The following ASIC2 variants were observed in gnomAD, a reference collection of about 807,000 sequenced individuals.
The protein encoded by ASIC2 is acid-sensing ion channel 2.
In ASIC2, 25 loss-of-function variants were observed where a neutral mutation model predicts 57.3. The ratio of observed to expected loss-of-function variants is 0.44; its 90% CI spans 0.32 to 0.61. ASIC2 has a LOEUF of 0.61. Ranked by LOEUF, ASIC2 falls within the 20% of genes least tolerant of loss-of-function variation. ASIC2 has a pLI of 0.06. For missense variants in ASIC2, 641 were observed against 738.1 expected (o/e 0.87, Z 1.52); for synonymous variants, 319 against 307.5 (o/e 1.04, Z -0.39).
intron 1 of ASIC2, among the ~76,000 whole-genome samples, chr17:33,272,716 T>C (rs932331964): frequency 1.3e-5 from 2 of 151,768 alleles, no homozygotes; most frequent in Non-Finnish European, 2.9e-5. Flanking sequence ...ATCATCATCA[T>C]TGTCAGTAGT....
At chr17:33,165,154 G>T (rs1905270552) in intron 1 of ASIC2, among the ~76,000 whole-genome samples, 1 of 152,188 alleles carries the variant, frequency 6.6e-6, no homozygotes, top group Non-Finnish European at 1.5e-5. Flanking sequence ...GTTTCTGGAT[G>T]GGCACCCCCT....
chr17:34,118,329 G>A (rs769188736), intron 1 of ASIC2: 1 of 152,174 alleles, frequency 6.6e-6, no homozygotes, highest in Non-Finnish European at 1.5e-5. Context: ...TGAAAGAGAA[G>A]TGCTATTGTT....
At chr17:33,427,173 G>A (rs576692776) in intron 1 of ASIC2, among the ~76,000 whole-genome samples, 2 of 152,296 alleles carry the variant, frequency 1.3e-5, no homozygotes, top group African/African-American at 2.4e-5. Context: ...ATTGTTGGGA[G>A]ACCATCGCTC....
intron 1 of ASIC2, among the ~76,000 whole-genome samples, chr17:33,898,678 C>A (rs1261397267): frequency 1.3e-5 from 2 of 152,146 alleles, no homozygotes; most frequent in African/African-American, 4.8e-5. Flanking sequence ...GCTTCAAAAT[C>A]CAATCCAAGA....
intron 1 of ASIC2, among the ~76,000 whole-genome samples, chr17:33,640,382 G>A (rs1268552427): frequency 1.3e-5 from 2 of 152,154 alleles, no homozygotes; most frequent in Non-Finnish European, 2.9e-5. Context: ...GACAAGTCAC[G>A]AATCGAAACA....
At position 33,501,779 on chromosome 17, in the gene ASIC2, G is replaced by A. The variant is rs144202938; in HGVS notation, c.556-389712C>T. Among the ~76,000 whole-genome samples, 13 of 152,262 alleles carry A rather than the reference G, an allele frequency of 8.5e-5. No individual in the cohort carries two copies. In the East Asian group the frequency reaches 1.9e-3, roughly 23 times the overall value. On this transcript the variant is annotated intron_variant, in intron 1 of 9. Coordinates refer to the ASIC2 transcript ENST00000359872. ...TAACTTGCCCTTCCTTTTCATAAAA[G>A]GCCATCCTAAAGAATTAGTTCCTCA... is the stretch of plus-strand genomic sequence containing the variant.
At chr17:33,500,107 A>C (rs1469856705) in intron 1 of ASIC2, among the ~76,000 whole-genome samples, 1 of 152,096 alleles carries the variant, frequency 6.6e-6, no homozygotes, top group Non-Finnish European at 1.5e-5. Context: ...ATACAGAAAA[A>C]AAATAAAATA....
chr17:33,636,701 G>A (rs1906377662), intron 1 of ASIC2, among the ~76,000 whole-genome samples: 1 of 152,100 alleles, frequency 6.6e-6, no homozygotes, highest in African/African-American at 2.4e-5. Flanking sequence ...AAATAGTTCT[G>A]AAAGTCTTTA....
intron 1 of ASIC2, among the ~76,000 whole-genome samples, chr17:33,407,051 T>C (rs1910497434): frequency 6.6e-6 from 1 of 152,208 alleles, no homozygotes; most frequent in Non-Finnish European, 1.5e-5. Context: ...AGCCATGTAA[T>C]TTAGTTATTT....
chr17:34,020,882 G>T (rs899503416), intron 1 of ASIC2, among the ~76,000 whole-genome samples: 2 of 152,154 alleles, frequency 1.3e-5, no homozygotes, highest in Non-Finnish European at 2.9e-5. Context: ...AATGTGTATT[G>T]TTTTAAGTTG....
chr17:34,031,870 C>T (rs1478594525), intron 1 of ASIC2, among the ~76,000 whole-genome samples: 1 of 152,156 alleles, frequency 6.6e-6, no homozygotes, highest in Admixed American at 6.5e-5. Flanking sequence ...TGTGGAAAGA[C>T]CAAATCTACG....
At chr17:33,033,811 C>T (rs1285383139) in intron 3 of ASIC2, among the ~76,000 whole-genome samples, 1 of 152,190 alleles carries the variant, frequency 6.6e-6, no homozygotes, top group East Asian at 1.9e-4. Flanking sequence ...CAGGCCCACC[C>T]ATGGGTGCCC....
chr17:33,730,795 ATG>A (rs1055454069), intron 1 of ASIC2, among the ~76,000 whole-genome samples: 3 of 152,148 alleles, frequency 2.0e-5, no homozygotes, highest in African/African-American at 7.2e-5. Context: ...GTAGGTGTCT[ATG>A]TGGTTACTGT....
At chr17:33,617,624 C>A (rs566782919) in intron 1 of ASIC2, among the ~76,000 whole-genome samples, 1 of 152,318 alleles carries the variant, frequency 6.6e-6, no homozygotes, top group East Asian at 1.9e-4. Flanking sequence ...GTGTAACAGA[C>A]CTGCACATGT....
At chr17:33,393,989 A>T (rs1302984056) in intron 1 of ASIC2, among the ~76,000 whole-genome samples, 10 of 152,202 alleles carry the variant, frequency 6.6e-5, no homozygotes, top group African/African-American at 2.4e-4. Context: ...TTGTTTCCAA[A>T]GTGGGGATTA....
rs116495587 is a variant in ASIC2 at position 33,696,233 on chromosome 17, C to T, written c.555+459745G>A. ...ATCGTTTTTAAACACAACTAAATAG[C>T]GCTGTTGTCAGATTCTGGCTCCTGG... On this transcript the variant is annotated intron_variant, in intron 1 of 9. Coordinates refer to the ASIC2 transcript ENST00000359872. 2.4e-3 allele frequency among the ~76,000 whole-genome samples: 365 copies of T among 152,246 alleles called. 3 individuals carry two copies. The highest frequency in any genetic ancestry group is 8.4e-3 in the African/African-American group (349 of 41,538).
chr17:33,968,106 GCTTA>G lies in ASIC2; in HGVS notation c.555+187868_555+187871del, dbSNP rs537814625. On this transcript the variant is annotated intron_variant, in intron 1 of 9. Coordinates refer to the ASIC2 transcript ENST00000359872. ...CAAGGGTGGCAGACCCACACTCTGG[GCTTA>G]CTGTGTGCCATCTACTGTGCTCCCT... 1.2e-3 allele frequency among the ~76,000 whole-genome samples: 189 copies of G among 152,268 alleles called. 2 individuals carry two copies. The highest frequency in any genetic ancestry group is 4.3e-3 in the African/African-American group (180 of 41,570).
At chr17:33,348,801 G>C (rs774894982) in intron 1 of ASIC2, among the ~76,000 whole-genome samples, 1 of 152,050 alleles carries the variant, frequency 6.6e-6, no homozygotes, top group Admixed American at 6.5e-5. Context: ...GTGGTCAAAG[G>C]GGTGGGGTTT....
At chr17:33,704,664 A>G (rs1161124360) in intron 1 of ASIC2, among the ~76,000 whole-genome samples, 11 of 152,236 alleles carry the variant, frequency 7.2e-5, no homozygotes, top group Non-Finnish European at 1.0e-4. Flanking sequence ...GCAGAAGTTC[A>G]TGGACCAAAG....
Sources: gnomAD v4.1 joint callset for allele counts (sites outside exome capture counted in the v4.1 genomes callset) on GRCh38, gnomAD v4.1.1 for gene constraint, MANE v1.5 for transcripts, NCBI Gene and HGNC (gene_info 2026-07-23, HGNC 2026-07-21) for gene names.